CSMD1: variants seen among roughly 807,000 people sequenced by gnomAD.
CSMD1 encodes the protein CUB and sushi domain-containing protein 1.
Under a neutral mutation model 417.5 loss-of-function variants are expected in CSMD1, and 213 were observed. The ratio of observed to expected loss-of-function variants is 0.51; its 90% confidence interval spans 0.46 to 0.57. CSMD1 has a LOEUF of 0.57. Among genes scored for constraint, CSMD1 ranks in the 20% least tolerant of loss-of-function variants. CSMD1 has a pLI of 0.00. For missense variants in CSMD1, 6,923 were observed against 4,529.7 expected, an observed-to-expected ratio of 1.53 and a Z score of -15.17; for synonymous variants, 2,862 against 1,736.8, an observed-to-expected ratio of 1.65 and a Z score of -16.11.
chr8:3,065,577 C>T (rs780941684), intron 49 of CSMD1, among the ~76,000 whole-genome samples: 1 of 151,652 alleles, frequency 6.6e-6, no homozygotes, highest in South Asian at 2.1e-4. Context: ...ATGATAGATA[C>T]ATAGATACAC....
intron 2 of CSMD1, among the ~76,000 whole-genome samples, chr8:4,534,453 TTTG>T: frequency 6.6e-6 from 1 of 152,316 alleles, no homozygotes; most frequent in African/African-American, 2.4e-5. Flanking sequence ...CATTAATATT[TTTG>T]TTATTGTTTT....
At chr8:3,044,081 T>C (rs1439070580) in intron 50 of CSMD1, among the ~76,000 whole-genome samples, 2 of 152,182 alleles carry the variant, frequency 1.3e-5, no homozygotes, top group African/African-American at 2.4e-5. Flanking sequence ...AGATGAGTTA[T>C]GATAGCAGCT....
At chr8:3,545,007 C>G (rs935532606) in intron 10 of CSMD1, among the ~76,000 whole-genome samples, 7 of 152,090 alleles carry the variant, frequency 4.6e-5, no homozygotes, top group African/African-American at 1.4e-4. Flanking sequence ...AAATTTCTCT[C>G]AGGGAAATTT....
At chr8:4,864,891 C>CACACACAT (rs1802336047) in intron 1 of CSMD1, among the ~76,000 whole-genome samples, 1 of 149,838 alleles carries the variant, frequency 6.7e-6, no homozygotes, top group Non-Finnish European at 1.5e-5. Flanking sequence ...CACACACACA[C>CACACACAT]ACACAAACAC....
intron 12 of CSMD1, among the ~76,000 whole-genome samples, chr8:3,442,325 T>C (rs1815036777): frequency 6.6e-6 from 1 of 152,152 alleles, no homozygotes; most frequent in Non-Finnish European, 1.5e-5. Flanking sequence ...CAGCAGTGTA[T>C]GGTAATGTCC....
At position 4,125,714 on chromosome 8, in the gene CSMD1, G is replaced by A. The variant is rs974347373; in HGVS notation, c.416-93615C>T. Among the ~76,000 whole-genome samples the A allele has an allele frequency of 3.3e-5, 5 of 152,082 alleles. No homozygotes were observed. In the East Asian group the frequency reaches 7.7e-4, roughly 24 times the overall value. On this transcript the variant is annotated intron_variant, in intron 3 of 69. Coordinates refer to ENST00000635120, the MANE Select transcript of CSMD1 (RefSeq NM_033225.6). ...TGGGCATAGGCTGAACTAAATTTGC[G>A]AAGGAATTCAGTTCACAGTTTGACT... is the stretch of plus-strand genomic sequence containing the variant.
At chr8:2,970,736 C>T (rs137889530) in intron 57 of CSMD1, among the ~76,000 whole-genome samples, 1 of 152,258 alleles carries the variant, frequency 6.6e-6, no homozygotes, top group Non-Finnish European at 1.5e-5. Flanking sequence ...ATTCACAAAC[C>T]CACCATGGTG....
intron 8 of CSMD1, among the ~76,000 whole-genome samples, chr8:3,605,406 A>G (rs996903795): frequency 6.6e-5 from 10 of 152,216 alleles, no homozygotes; most frequent in Admixed American, 1.3e-4. Context: ...CTCTCGCTGG[A>G]GTTGACCTAC....
At chr8:3,441,696 T>A (rs57968223) in intron 12 of CSMD1, among the ~76,000 whole-genome samples, 18,913 of 152,068 alleles carry the variant, frequency 0.12, 1,511 homozygotes, top group East Asian at 0.28. Context: ...TAAATAAACC[T>A]ACTGTGCTGC....
chr8:3,791,831 A>G (rs908637375), intron 5 of CSMD1, among the ~76,000 whole-genome samples: 1 of 127,852 alleles, frequency 7.8e-6, no homozygotes, highest in African/African-American at 3.6e-5. Context: ...TCAAATAATA[A>G]TAATAATAAA....
intron 21 of CSMD1, among the ~76,000 whole-genome samples, chr8:3,351,239 C>G (rs1384219583): frequency 3.3e-5 from 5 of 152,126 alleles, no homozygotes; most frequent in African/African-American, 1.2e-4. Flanking sequence ...TTTCATTACT[C>G]TAGGGTAGTG....
intron 1 of CSMD1, among the ~76,000 whole-genome samples, chr8:4,743,221 T>C (rs970297195): frequency 6.6e-6 from 1 of 152,246 alleles, no homozygotes; most frequent in Non-Finnish European, 1.5e-5. Flanking sequence ...GGAGGTCACA[T>C]TATTTTAGAC....
chr8:3,671,438 C>G (rs117518530), intron 7 of CSMD1, among the ~76,000 whole-genome samples: 1 of 121,282 alleles, frequency 8.2e-6, no homozygotes, highest in Non-Finnish European at 1.9e-5. Context: ...TATATAGTCA[C>G]ATATAATCAT....
chr8:3,752,711 T>G (rs1390978580), intron 6 of CSMD1, among the ~76,000 whole-genome samples: 1 of 145,746 alleles, frequency 6.9e-6, no homozygotes, highest in East Asian at 2.2e-4. Flanking sequence ...AAAACATATT[T>G]TGTTGAAACG....
rs1796227404 is a variant in CSMD1 at position 3,493,559 on chromosome 8, A to C, written c.1448+64T>G. ...AATTACAAGCCTGTAGCAGAATCTCATCTCCACCCACCGTGCCCCGCACTG... is the reference window on the plus strand; with the variant it reads ...AATTACAAGCCTGTAGCAGAATCTCCTCTCCACCCACCGTGCCCCGCACTG... On this transcript the variant is annotated intron_variant, in intron 11 of 69. Coordinates refer to ENST00000635120, the MANE Select transcript of CSMD1 (RefSeq NM_033225.6). 2.2e-6 allele frequency: 3 copies of C among 1,371,070 alleles called. No individual in the cohort carries two copies. The South Asian group carries it at 3.8e-5, about 17-fold the overall frequency. 84.9% of individuals were successfully genotyped at this position (1,371,070 alleles called of 1,614,324 possible).
Position 2,938,399 on chromosome 8 carries a change from G to A in CSMD1, c.*186C>T. The A allele has an allele frequency of 1.8e-6, 1 of 551,948 alleles. No homozygotes were observed. Among genetic ancestry groups the A allele is most frequent in the Admixed American group, 3.5e-5 (1 of 28,414 alleles). 34.2% of individuals were successfully genotyped at this position (551,948 alleles called of 1,614,324 possible). A position where few individuals can be genotyped will look rare whatever the true frequency, so the allele number is the denominator to read the frequency against. On this transcript the variant is annotated 3_prime_UTR_variant, in exon 70 of 70. Transcript: ENST00000635120. ...CTTTTGGAATGAAAACGCATGTGTA[G>A]TTTGATCCGTAGAAGACCCTGACAC...
At chr8:4,760,421 T>C (rs530878595) in intron 1 of CSMD1, among the ~76,000 whole-genome samples, 1 of 152,312 alleles carries the variant, frequency 6.6e-6, no homozygotes, top group African/African-American at 2.4e-5. Context: ...GATACCTTTG[T>C]GGCTAGAAGA....
intron 1 of CSMD1, among the ~76,000 whole-genome samples, chr8:4,726,128 C>T (rs1563228616): frequency 6.6e-6 from 1 of 152,094 alleles, no homozygotes; most frequent in African/African-American, 2.4e-5. Context: ...GACAAGACGT[C>T]ATCTGGGCGA....
chr8:3,913,528 C>G (rs2975331), intron 5 of CSMD1, among the ~76,000 whole-genome samples: 2 of 151,800 alleles, frequency 1.3e-5, no homozygotes, highest in African/African-American at 4.9e-5. Flanking sequence ...AAGGATGGAG[C>G]GAGCCCTAGG....
Sources: allele counts gnomAD v4.1 joint callset (sites outside exome capture counted in the v4.1 genomes callset), GRCh38; gene constraint gnomAD v4.1.1; transcripts MANE v1.5; gene names NCBI Gene and HGNC (gene_info 2026-07-23, HGNC 2026-07-21).